Variants in KPNB1 observed in about 807,000 individuals in gnomAD.
The protein encoded by KPNB1 is importin subunit beta-1.
Under a neutral mutation model 113.0 loss-of-function variants are expected in KPNB1, and 7 were observed. That is an observed-to-expected ratio of 0.06 (90% CI 0.04 to 0.12). The LOEUF is 0.12. Among genes scored for constraint, KPNB1 ranks in the 10% least tolerant of loss-of-function variants. KPNB1 has a pLI of 1.00. For missense variants in KPNB1, 400 were observed against 1,054.8 expected, an observed-to-expected ratio of 0.38 and a Z score of 8.60; for synonymous variants, 363 against 378.6, an observed-to-expected ratio of 0.96 and a Z score of 0.48.
At chr17:47,661,084 T>C (rs778269431) in intron 5 of KPNB1, 35 bp from the exon 6 acceptor site, 34 of 1,542,144 alleles carry the variant, frequency 2.2e-5, no homozygotes, top group Non-Finnish European at 2.9e-5. Context: ...CAGGTTATGC[T>C]CTCCTAATTC....
Position 47,685,437 on chromosome 17 carries a change from T to G in KPNB1, c.*3033T>G, listed in dbSNP as rs1202023146. On this transcript the variant is annotated 3_prime_UTR_variant, in exon 22 of 22. Coordinates refer to ENST00000290158, the MANE Select transcript of KPNB1 (RefSeq NM_002265.6). ...GACCTGTAAAACACTTGAGCCCAAC[T>G]CGATTAACCAAAACCGATAACCACC... The G allele has an allele frequency of 6.6e-6, 1 of 151,884 alleles. No individual in the cohort carries two copies. Among genetic ancestry groups the G allele is most frequent in the Non-Finnish European group, 1.5e-5 (1 of 67,972 alleles). The allele number at this position is 151,884 out of a possible 1,614,324, so 9.4% of individuals were successfully genotyped here.
At chr17:47,656,817 T>C (rs777430623) in intron 3 of KPNB1, 43 bp from the exon 4 acceptor site, 80 of 1,587,660 alleles carry the variant, frequency 5.0e-5, no homozygotes, top group Non-Finnish European at 6.6e-5. Context: ...TGTGGTCAAA[T>C]AGTGTTAGAA....
In KPNB1 at chr17:47,685,101, TATTA is replaced by T. The variant is rs2030903810; in HGVS notation, c.*2701_*2704del. The T allele has an allele frequency of 6.6e-6, 1 of 152,220 alleles. No homozygotes were observed. Among genetic ancestry groups the T allele is most frequent in the African/African-American group, 2.4e-5 (1 of 41,464 alleles). 9.4% of individuals were successfully genotyped at this position (152,220 alleles called of 1,614,324 possible). On this transcript the variant is annotated 3_prime_UTR_variant, in exon 22 of 22. Transcript: ENST00000290158. The stretch of plus-strand genomic sequence containing the variant: ...GGCAGCTGCCTGTATCAATTACATT[TATTA>T]ATTTTGCTTTTCATTTTTCCCAGTT...
chr17:47,664,477 G>C (rs2030204710), intron 8 of KPNB1, among the ~76,000 whole-genome samples: 1 of 152,168 alleles, frequency 6.6e-6, no homozygotes, highest in South Asian at 2.1e-4. Flanking sequence ...AGTCAGGCAT[G>C]ATTGATCGTA....
intron 13 of KPNB1, 144 bp downstream of exon 13, chr17:47,673,309 T>C: frequency 1.0e-6 from 1 of 961,856 alleles, no homozygotes; most frequent in Non-Finnish European, 1.6e-6. Flanking sequence ...CAAAAAACAT[T>C]GCACCTTAAC....
Position 47,650,232 on chromosome 17 carries a change from C to G in KPNB1, c.-13C>G. The G allele has an allele frequency of 1.3e-6, 2 of 1,579,586 alleles. No homozygotes were observed. Among genetic ancestry groups the G allele is most frequent in the Non-Finnish European group, 1.7e-6 (2 of 1,166,842 alleles). ...TCGTCTTAGGAGGAGTCGCCGCCGCCGCCACCTCCGCCATGGAGCTGATCA... is the reference window on the plus strand; with the variant it reads ...TCGTCTTAGGAGGAGTCGCCGCCGCGGCCACCTCCGCCATGGAGCTGATCA... On this transcript the variant is annotated 5_prime_UTR_variant, in exon 1 of 22. Transcript: ENST00000290158.
intron 3 of KPNB1, among the ~76,000 whole-genome samples, chr17:47,653,435 T>C (rs756755438): frequency 2.2e-4 from 34 of 151,946 alleles, no homozygotes; most frequent in Non-Finnish European, 3.5e-4. Context: ...AGAGACGGGG[T>C]TTCACCATGT....
At chr17:47,654,797 T>C (rs550005958) in intron 3 of KPNB1, among the ~76,000 whole-genome samples, 65 of 152,300 alleles carry the variant, frequency 4.3e-4, no homozygotes, top group African/African-American at 1.6e-3. Context: ...GGAGACTATG[T>C]AGTGTGGTGT....
At chr17:47,650,957 G>A (rs1218005786) in intron 2 of KPNB1, among the ~76,000 whole-genome samples, 1 of 152,108 alleles carries the variant, frequency 6.6e-6, no homozygotes, top group Non-Finnish European at 1.5e-5. Context: ...GGCCAGGCCT[G>A]GCACCCGACT....
intron 3 of KPNB1, among the ~76,000 whole-genome samples, chr17:47,654,190 G>A (rs1915656161): frequency 6.6e-6 from 1 of 152,116 alleles, no homozygotes; most frequent in Non-Finnish European, 1.5e-5. Context: ...CGAGGTGGGT[G>A]GATCACCTGA....
At position 47,673,546 on chromosome 17, in the gene KPNB1, C is replaced by G; in HGVS notation, c.1752C>G (p.Leu584=). 1.9e-6 allele frequency: 3 copies of G among 1,612,138 alleles called. No individual in the cohort carries two copies. Among genetic ancestry groups the G allele is most frequent in the Non-Finnish European group, 2.5e-6 (3 of 1,178,182 alleles). ...RIQFNDLQSL[L]CATLQNVLRK... ...AGTTCAATGACCTTCAGTCTTTACT[C>G]TGTGCAACTCTTCAGGTATGGTGGT... The change falls in exon 14 of 22, where the codon CTC becomes CTG. Residue 584 remains leucine, a synonymous_variant. Coordinates refer to ENST00000290158, the MANE Select transcript of KPNB1 (RefSeq NM_002265.6).
chr17:47,677,987 T>A, intron 17 of KPNB1, 59 bp from the exon 18 acceptor site: 1 of 1,518,700 alleles, frequency 6.6e-7, no homozygotes, highest in Non-Finnish European at 9.0e-7. Context: ...GAAATTTTCA[T>A]GAATCTTTGG....
intron 4 of KPNB1, among the ~76,000 whole-genome samples, chr17:47,658,004 C>T (rs1283926345): frequency 6.6e-6 from 1 of 152,152 alleles, no homozygotes; most frequent in Non-Finnish European, 1.5e-5. Context: ...ATCACTTGAA[C>T]CCAGGAATTT....
In KPNB1 at chr17:47,664,106, G is replaced by A. The variant is rs571096210; in HGVS notation, c.787-53G>A. The A allele has an allele frequency of 2.2e-4, 251 of 1,125,052 alleles. No homozygotes were observed. The African/African-American group carries it at 3.5e-3, about 16-fold the overall frequency. 69.7% of individuals were successfully genotyped at this position (1,125,052 alleles called of 1,614,324 possible). On this transcript the variant is annotated intron_variant, in intron 7 of 21. Coordinates refer to ENST00000290158, the MANE Select transcript of KPNB1 (RefSeq NM_002265.6). ...TGTGGTTAAAGCCGGGTTGGGGCAGGGACTCACTTGAATCAGTACTTATTT... is the reference window on the plus strand; with the variant it reads ...TGTGGTTAAAGCCGGGTTGGGGCAGAGACTCACTTGAATCAGTACTTATTT...
chr17:47,655,288 C>T (rs999242382), intron 3 of KPNB1, among the ~76,000 whole-genome samples: 20 of 152,180 alleles, frequency 1.3e-4, no homozygotes, highest in African/African-American at 4.6e-4. Context: ...TGCCTTTACT[C>T]TTTACATAAA....
intron 21 of KPNB1, 61 bp downstream of exon 21, chr17:47,680,730 C>T: frequency 6.6e-7 from 1 of 1,523,976 alleles, no homozygotes; most frequent in South Asian, 1.2e-5. Flanking sequence ...GGTATGTTTT[C>T]TTTAGGCCAT....
intron 20 of KPNB1, 128 bp downstream of exon 20, chr17:47,680,262 C>CA: frequency 1.3e-6 from 1 of 779,364 alleles, no homozygotes; most frequent in Non-Finnish European, 2.2e-6. Flanking sequence ...GATTTCTTTG[C>CA]AGAACGCTTC....
At chr17:47,681,552 G>A (rs140775662) in intron 21 of KPNB1, among the ~76,000 whole-genome samples, 2 of 151,798 alleles carry the variant, frequency 1.3e-5, no homozygotes, top group South Asian at 2.1e-4. Flanking sequence ...GATTACAGGC[G>A]TAAGCTACCA....
Position 47,650,181 on chromosome 17 carries a change from G to A in KPNB1, c.-64G>A. The A allele has an allele frequency of 1.7e-6, 2 of 1,182,012 alleles. No individual in the cohort carries two copies. Among genetic ancestry groups the A allele is most frequent in the South Asian group, 1.6e-5 (1 of 63,604 alleles). 73.2% of individuals were successfully genotyped at this position (1,182,012 alleles called of 1,614,324 possible). On this transcript the variant is annotated 5_prime_UTR_variant, in exon 1 of 22. Transcript: ENST00000290158. ...GACCCCCAACCCCCATCCCCAGTTC[G>A]AGCCGCCGCCCGAAAGGCCGGGCCG...
Sources: gnomAD v4.1 joint callset for allele counts (sites outside exome capture counted in the v4.1 genomes callset) on GRCh38, gnomAD v4.1.1 for gene constraint, MANE v1.5 for transcripts, NCBI Gene and HGNC (gene_info 2026-07-23, HGNC 2026-07-21) for gene names.